PRUNE1: variants seen among roughly 807,000 people sequenced by gnomAD.
PRUNE1 encodes exopolyphosphatase PRUNE1.
In PRUNE1, 25 loss-of-function variants were observed where a neutral mutation model predicts 42.5. That is an observed-to-expected ratio of 0.59 (90% CI 0.43 to 0.82). PRUNE1 has a LOEUF of 0.82. PRUNE1 is among the 40% of genes least tolerant of loss of function. PRUNE1 has a pLI of 0.00. For synonymous variants in PRUNE1, 203 were observed against 217.1 expected (o/e 0.93, Z 0.57); for missense variants, 443 against 539.3 (o/e 0.82, Z 1.77).
chr1:151,014,779 T>C (rs587736643), intron 1 of PRUNE1, among the ~76,000 whole-genome samples: 1 of 152,322 alleles, frequency 6.6e-6, no homozygotes, highest in East Asian at 1.9e-4. Flanking sequence ...CCAGGGAACA[T>C]TCAGCAAGTC....
chr1:151,014,107 G>A (rs895851078), intron 1 of PRUNE1, among the ~76,000 whole-genome samples: 2 of 152,040 alleles, frequency 1.3e-5, no homozygotes, highest in African/African-American at 4.8e-5. Context: ...AGCCTCCCGA[G>A]TAGCTGGGAC....
chr1:151,030,695 A>C (rs1026451798), intron 7 of PRUNE1, among the ~76,000 whole-genome samples: 1 of 152,142 alleles, frequency 6.6e-6, no homozygotes, highest in African/African-American at 2.4e-5. Flanking sequence ...CATGTTAGCC[A>C]GGCAGGTCTC....
At chr1:151,023,185 T>A (rs1674583491) in intron 3 of PRUNE1, among the ~76,000 whole-genome samples, 1 of 152,058 alleles carries the variant, frequency 6.6e-6, no homozygotes, top group Admixed American at 6.6e-5. Context: ...CCTAAAAGAA[T>A]CAGATTTTCT....
chr1:151,024,435 C>T (rs894053067), intron 3 of PRUNE1, among the ~76,000 whole-genome samples, 176 bp from the exon 4 acceptor site: 2 of 151,832 alleles, frequency 1.3e-5, no homozygotes, highest in African/African-American at 4.8e-5. Flanking sequence ...GCAAAGGTTG[C>T]AGTGAGCCAA....
chr1:151,020,242 A>AG (rs1413485645), intron 3 of PRUNE1, among the ~76,000 whole-genome samples: 1 of 148,780 alleles, frequency 6.7e-6, no homozygotes, highest in Admixed American at 6.7e-5. Context: ...CTAAAAAAAA[A>AG]TAATAAATAC....
At chr1:151,033,361 A>G (rs1230900258) in intron 7 of PRUNE1, among the ~76,000 whole-genome samples, 4 of 149,214 alleles carry the variant, frequency 2.7e-5, no homozygotes, top group Admixed American at 2.0e-4. Flanking sequence ...CTGGGATTAC[A>G]GGCGTGAGCC....
chr1:151,008,844 GT>G, intron 1 of PRUNE1, 173 bp downstream of exon 1: 1 of 818,616 alleles, frequency 1.2e-6, no homozygotes, highest in Non-Finnish European at 2.1e-6. Flanking sequence ...CGAGAAGCCA[GT>G]TTAGGAGCGT....
At position 151,018,472 on chromosome 1, in the gene PRUNE1, T is replaced by C. The variant is rs762311539; in HGVS notation, c.138T>C (p.Thr46=). Residue 46 remains threonine, a synonymous_variant, in exon 3 of 8, where the codon ACT becomes ACC. Coordinates refer to ENST00000271620, the MANE Select transcript of PRUNE1 (RefSeq NM_021222.3). ...LALAFYLAKT[T]EAEEVFVPVL... ...CTTTTCACTTTCCTATCTAGACAACTGAGGCTGAGGAAGTCTTTGTGCCAG... is the reference window on the plus strand; with the variant it reads ...CTTTTCACTTTCCTATCTAGACAACCGAGGCTGAGGAAGTCTTTGTGCCAG... 6.2e-7 allele frequency: 1 copy of C among 1,610,294 alleles called. No homozygotes were observed. The highest frequency in any genetic ancestry group is 8.5e-7 in the Non-Finnish European group (1 of 1,176,674).
chr1:151,025,899 C>G (rs112083129), intron 5 of PRUNE1, among the ~76,000 whole-genome samples: 2 of 151,818 alleles, frequency 1.3e-5, no homozygotes, highest in African/African-American at 4.8e-5. Flanking sequence ...CACCACCACG[C>G]CCAGCTAATT....
Position 151,008,566 on chromosome 1 carries a change from G to C in PRUNE1, c.-67G>C. 2 of 1,591,408 alleles carry C rather than the reference G, an allele frequency of 1.3e-6. No individual in the cohort carries two copies. The stretch of plus-strand genomic sequence containing the variant: ...GTCCCGGGCGGGCTGCATTCGTCGG[G>C]GAAACCTCTCCTCGACCAGGGGCAC... On this transcript the variant is annotated 5_prime_UTR_variant, in exon 1 of 8. Transcript: ENST00000271620.
At chr1:151,024,843 C>A in intron 4 of PRUNE1, 48 bp downstream of exon 4, 1 of 1,544,042 alleles carries the variant, frequency 6.5e-7, no homozygotes, top group East Asian at 2.4e-5. Context: ...ATTCCTGTCC[C>A]TGAGAAGGGA....
rs375087001 is a variant in PRUNE1, at chr1:151,031,191, G to GTT, written c.933+2248_933+2249insTT. 1.8e-3 allele frequency among the ~76,000 whole-genome samples: 228 copies of GTT among 124,760 alleles called. 1 individual carries two copies. Among genetic ancestry groups the GTT allele is most frequent in the Non-Finnish European group, 2.3e-3 (139 of 60,470 alleles). The allele number at this position is 124,760 out of a possible 152,430, so 81.8% of individuals were successfully genotyped here. On this transcript the variant is annotated intron_variant, in intron 7 of 7. Transcript: ENST00000271620. ...GTTTTGTTTTTGTGTGTGTGTGTGTGTGTTTTTTTTTTTTTTTGAGATGTC... is the reference window on the plus strand; with the variant it reads ...GTTTTGTTTTTGTGTGTGTGTGTGTGTTTGTTTTTTTTTTTTTTTGAGATGTC...
intron 3 of PRUNE1, among the ~76,000 whole-genome samples, chr1:151,023,911 G>A (rs979866546): frequency 4.6e-5 from 7 of 151,846 alleles, no homozygotes; most frequent in Non-Finnish European, 1.0e-4. Flanking sequence ...TGCTGGGCGC[G>A]GTGGCTCACG....
chr1:151,018,749 A>G, intron 3 of PRUNE1, 80 bp downstream of exon 3: 1 of 1,364,992 alleles, frequency 7.3e-7, no homozygotes, highest in Non-Finnish European at 1.0e-6. Context: ...AGAGGAAGAA[A>G]GAGTTTTTGC....
In PRUNE1 at chr1:151,024,602, C is replaced by T. The variant is rs774651479; in HGVS notation, c.336-9C>T. The T allele has an allele frequency of 6.3e-7, 1 of 1,597,704 alleles. No homozygotes were observed. The highest frequency in any genetic ancestry group is 2.2e-5 in the East Asian group (1 of 44,788). On this transcript the variant is annotated splice_polypyrimidine_tract_variant and intron_variant, in intron 3 of 7. Transcript: ENST00000271620. ...TTCTTCCTCTTTTCCCATACCCTCC[C>T]CTCCACAGAAGTGACACAGCCCTAG...
In PRUNE1 at chr1:151,028,709, G is replaced by T; in HGVS notation, c.775-77G>T. 4 of 1,490,844 alleles carry T rather than the reference G, an allele frequency of 2.7e-6. No homozygotes were observed. The South Asian group carries it at 3.7e-5, about 14-fold the overall frequency. 92.4% of individuals were successfully genotyped at this position (1,490,844 alleles called of 1,614,324 possible). A position where few individuals can be genotyped will look rare whatever the true frequency, so the allele number is the denominator to read the frequency against. ...AAGTGCTAGGATTATAGGCGTAAGC[G>T]ACCGTGCCCGGCCCAAGGATGTTTT... On this transcript the variant is annotated intron_variant, in intron 6 of 7. Coordinates refer to ENST00000271620, the MANE Select transcript of PRUNE1 (RefSeq NM_021222.3).
At chr1:151,014,648 A>T (rs1009872377) in intron 1 of PRUNE1, among the ~76,000 whole-genome samples, 1 of 152,148 alleles carries the variant, frequency 6.6e-6, no homozygotes, top group African/African-American at 2.4e-5. Context: ...TACTCCTCTG[A>T]ACCTTCCCAC....
rs1416507548 is a variant in PRUNE1 at position 151,034,668 on chromosome 1, C to T, written c.*434C>T. ...GTTCATTCAAGTATTTATTGAATAC[C>T]TGCCTCAAGCTAGAGAGAAAAGAGA... On this transcript the variant is annotated 3_prime_UTR_variant, in exon 8 of 8. Transcript: ENST00000271620. The T allele has an allele frequency of 1.2e-5, 2 of 162,116 alleles. No individual in the cohort carries two copies. Among genetic ancestry groups the T allele is most frequent in the Non-Finnish European group, 2.7e-5 (2 of 72,908 alleles). The allele number at this position is 162,116 out of a possible 1,614,324, so 10.0% of individuals were successfully genotyped here.
chr1:151,009,935 A>G (rs1244156441), intron 1 of PRUNE1, among the ~76,000 whole-genome samples: 2 of 151,806 alleles, frequency 1.3e-5, no homozygotes, highest in East Asian at 3.9e-4. Context: ...GTTGGATTTT[A>G]CCCCCCAGTA....
Sources: allele counts gnomAD v4.1 joint callset (sites outside exome capture counted in the v4.1 genomes callset), GRCh38; gene constraint gnomAD v4.1.1; transcripts MANE v1.5; gene names NCBI Gene and HGNC (gene_info 2026-07-23, HGNC 2026-07-21).